PLXDC2: variants seen among roughly 807,000 people sequenced by gnomAD.
PLXDC2 encodes plexin domain-containing protein 2.
In PLXDC2, 40 loss-of-function variants were observed where a neutral mutation model predicts 68.9. The observed-to-expected ratio is 0.58, with a 90% CI of 0.45 to 0.76. The LOEUF is 0.76. PLXDC2 is among the 30% of genes least tolerant of loss of function. The pLI, the probability that PLXDC2 is intolerant of heterozygous loss-of-function variation, is 0.00. For synonymous variants in PLXDC2, 243 were observed against 234.2 expected (o/e 1.04, Z -0.34); for missense variants, 644 against 661.9 (o/e 0.97, Z 0.30).
intron 4 of PLXDC2, among the ~76,000 whole-genome samples, chr10:20,141,251 T>C (rs905296192): frequency 1.9e-4 from 28 of 151,076 alleles, no homozygotes; most frequent in African/African-American, 6.5e-4. Flanking sequence ...GGCAAATCTA[T>C]GTAGAAACAT....
At chr10:19,869,231 A>AC (rs1165829023) in intron 1 of PLXDC2, among the ~76,000 whole-genome samples, 2 of 151,966 alleles carry the variant, frequency 1.3e-5, no homozygotes, top group Non-Finnish European at 2.9e-5. Context: ...ACCTCGTCTC[A>AC]CAAAAAGTAT....
intron 1 of PLXDC2, among the ~76,000 whole-genome samples, chr10:19,824,502 T>G (rs558699725): frequency 6.6e-6 from 1 of 152,342 alleles, no homozygotes; most frequent in African/African-American, 2.4e-5. Flanking sequence ...ATTCCAGCCC[T>G]TTGGCTTTAT....
At chr10:19,924,794 T>C (rs2131383845) in intron 1 of PLXDC2, among the ~76,000 whole-genome samples, 1 of 152,290 alleles carries the variant, frequency 6.6e-6, no homozygotes, top group South Asian at 2.1e-4. Flanking sequence ...GTTTCCACAT[T>C]TATAAAATAG....
intron 13 of PLXDC2, among the ~76,000 whole-genome samples, chr10:20,262,322 C>T (rs1564370479): frequency 6.6e-6 from 1 of 152,212 alleles, no homozygotes; most frequent in African/African-American, 2.4e-5. Flanking sequence ...TATGTAATCT[C>T]ACTTTTTAAT....
At chr10:20,154,220 T>G (rs768604597) in intron 6 of PLXDC2, among the ~76,000 whole-genome samples, 35 of 152,294 alleles carry the variant, frequency 2.3e-4, no homozygotes, top group Admixed American at 9.8e-4. Context: ...GTTCTAAAAT[T>G]TGTGGTCTAT....
At chr10:20,129,339 G>A (rs1384121864) in intron 4 of PLXDC2, among the ~76,000 whole-genome samples, 1 of 152,056 alleles carries the variant, frequency 6.6e-6, no homozygotes, top group East Asian at 1.9e-4. Flanking sequence ...TCTTGCTATT[G>A]AGCGGAGTTC....
chr10:20,124,214 C>G (rs1203197802), intron 4 of PLXDC2, among the ~76,000 whole-genome samples: 1 of 152,128 alleles, frequency 6.6e-6, no homozygotes, highest in Non-Finnish European at 1.5e-5. Flanking sequence ...CTTCCCTAGT[C>G]CTTGACCGGT....
intron 9 of PLXDC2, among the ~76,000 whole-genome samples, chr10:20,194,014 T>G (rs1834803585): frequency 6.6e-6 from 1 of 151,992 alleles, no homozygotes; most frequent in Non-Finnish European, 1.5e-5. Context: ...GGACCTGAGC[T>G]TGGTGCAATC....
At chr10:20,239,969 A>G (rs1835493158) in intron 12 of PLXDC2, among the ~76,000 whole-genome samples, 1 of 152,104 alleles carries the variant, frequency 6.6e-6, no homozygotes, top group Admixed American at 6.6e-5. Context: ...GTACCTGTGT[A>G]GGTTTGTTTT....
intron 12 of PLXDC2, among the ~76,000 whole-genome samples, chr10:20,224,306 A>G (rs1835257608): frequency 6.6e-6 from 1 of 152,118 alleles, no homozygotes; most frequent in Non-Finnish European, 1.5e-5. Flanking sequence ...TCTTTGAGTA[A>G]TGGTTATATG....
chr10:19,858,067 C>T (rs1403148338), intron 1 of PLXDC2, among the ~76,000 whole-genome samples: 1 of 152,104 alleles, frequency 6.6e-6, no homozygotes, highest in Non-Finnish European at 1.5e-5. Flanking sequence ...CAACATGCAG[C>T]TAGGTTGGCC....
Position 20,100,003 on chromosome 10 carries a change from A to G in PLXDC2, c.541+31764A>G, listed in dbSNP as rs574830813. Reference sequence around the variant, plus strand: ...CATATGTTACCTATTCAAAAATTGAATTAATTGAAAGCATGAGTCTAACAA... The same window carrying G: ...CATATGTTACCTATTCAAAAATTGAGTTAATTGAAAGCATGAGTCTAACAA... On this transcript the variant is annotated intron_variant, in intron 4 of 13. Coordinates refer to ENST00000377252, the MANE Select transcript of PLXDC2 (RefSeq NM_032812.9). Among the ~76,000 whole-genome samples the G allele has an allele frequency of 3.9e-5, 6 of 152,346 alleles. No homozygotes were observed. The South Asian group carries it at 1.0e-3, about 26-fold the overall frequency.
In PLXDC2 at chr10:19,970,243, T is replaced by C. The variant is rs143477757; in HGVS notation, c.113-31532T>C. On this transcript the variant is annotated intron_variant, in intron 1 of 13. Transcript: ENST00000377252. ...TTAGTTTATTCCGGTCATGAATGACTGATTTATTGTTTGACAAAAACTTTC... is the reference window on the plus strand; with the variant it reads ...TTAGTTTATTCCGGTCATGAATGACCGATTTATTGTTTGACAAAAACTTTC... Among the ~76,000 whole-genome samples the C allele has an allele frequency of 8.1e-3, 1,236 of 152,374 alleles. 23 individuals carry two copies. The highest frequency in any genetic ancestry group is 0.028 in the African/African-American group (1,172 of 41,588).
chr10:19,902,884 A>AGC (rs1838182057), intron 1 of PLXDC2, among the ~76,000 whole-genome samples: 1 of 152,210 alleles, frequency 6.6e-6, no homozygotes, highest in Non-Finnish European at 1.5e-5. Flanking sequence ...GGTTTTAATC[A>AGC]TAAAAGAATG....
At chr10:19,956,522 A>G (rs1427175638) in intron 1 of PLXDC2, among the ~76,000 whole-genome samples, 4 of 152,230 alleles carry the variant, frequency 2.6e-5, no homozygotes, top group African/African-American at 4.8e-5. Context: ...CAGCAAAAAC[A>G]TCAGCTCTCA....
intron 1 of PLXDC2, among the ~76,000 whole-genome samples, chr10:19,941,809 G>A (rs1206886236): frequency 6.6e-6 from 1 of 151,920 alleles, no homozygotes; most frequent in African/African-American, 2.4e-5. Flanking sequence ...CTCTGCTAAC[G>A]TGTTGAGTTC....
chr10:20,194,410 A>G (rs998920066), intron 9 of PLXDC2, among the ~76,000 whole-genome samples: 11 of 152,182 alleles, frequency 7.2e-5, no homozygotes, highest in African/African-American at 2.6e-4. Context: ...CTAAATATGA[A>G]GGGAAAAACA....
chr10:19,999,599 G>T (rs76069682), intron 1 of PLXDC2, among the ~76,000 whole-genome samples: 1 of 152,112 alleles, frequency 6.6e-6, no homozygotes, highest in African/African-American at 2.4e-5. Flanking sequence ...ATGACTCTTT[G>T]TGTTTGCATA....
At chr10:20,114,128 C>T (rs1396673099) in intron 4 of PLXDC2, among the ~76,000 whole-genome samples, 10 of 152,138 alleles carry the variant, frequency 6.6e-5, no homozygotes, top group Non-Finnish European at 2.9e-5. Flanking sequence ...CATGTCAAAA[C>T]AAAATAAAAT....
Sources: gnomAD v4.1 joint callset for allele counts (sites outside exome capture counted in the v4.1 genomes callset) on GRCh38, gnomAD v4.1.1 for gene constraint, MANE v1.5 for transcripts, NCBI Gene and HGNC (gene_info 2026-07-23, HGNC 2026-07-21) for gene names.